Variants in TENM2 observed in about 807,000 individuals in gnomAD.
The protein encoded by TENM2 is teneurin-2.
A neutral mutation model predicts 245.2 loss-of-function variants in TENM2; 52 were observed. The observed-to-expected ratio is 0.21, with a 90% CI of 0.17 to 0.27. The LOEUF is 0.27. Ranked by LOEUF, TENM2 falls within the 10% of genes least tolerant of loss-of-function variation. The pLI is 1.00. For missense variants in TENM2, 3,046 were observed against 3,666.8 expected (o/e 0.83, Z 4.37); for synonymous variants, 1,363 against 1,438.9 (o/e 0.95, Z 1.19).
intron 2 of TENM2, among the ~76,000 whole-genome samples, chr5:167,625,630 G>C (rs1303484157): frequency 6.6e-6 from 1 of 152,128 alleles, no homozygotes; most frequent in African/African-American, 2.4e-5. Flanking sequence ...GTTATCTATT[G>C]TTCTGTAACA....
rs369679478 is a variant in TENM2, at chr5:167,652,808, T to C, written c.503-223178T>C. Among the ~76,000 whole-genome samples, 9 of 152,292 alleles carry C rather than the reference T, an allele frequency of 5.9e-5. No homozygotes were observed. The East Asian group carries it at 9.6e-4, about 16-fold the overall frequency. On this transcript the variant is annotated intron_variant, in intron 2 of 28. Coordinates refer to ENST00000518659, the Ensembl canonical transcript of TENM2. ...ACCTGAAATAGTGAAATAATATTCC[T>C]CTGAGTCATCTAACTTCTCCCTCTT...
chr5:168,245,107 A>G (rs1348899916), intron 26 of TENM2, among the ~76,000 whole-genome samples: 2 of 151,460 alleles, frequency 1.3e-5, no homozygotes, highest in African/African-American at 4.8e-5. Context: ...ATGTTTTGCC[A>G]TGAGACATCT....
the TENM2 span, among the ~76,000 whole-genome samples, chr5:167,078,489 AC>A: frequency 3.9e-5 from 1 of 25,572 alleles, no homozygotes. Context: ...GTCTCAAACA[AC>A]AACAACAACA....
rs1554157697 is a variant in TENM2 at position 167,452,931 on chromosome 5, TTA to T, written c.502+77488_502+77489del. 8.2e-3 allele frequency among the ~76,000 whole-genome samples: 40 copies of T among 4,886 alleles called. 3 individuals are homozygous for T. Among genetic ancestry groups the T allele is most frequent in the African/African-American group, 0.014 (40 of 2,780 alleles). The allele number at this position is 4,886 out of a possible 152,430, so 3.2% of individuals were successfully genotyped here. A position where few individuals can be genotyped will look rare whatever the true frequency, so the allele number is the denominator to read the frequency against. ...TGTACCCTAGAACTTAAAGTATGAT[TTA>T]TATATATATATATATATATATATAT... On this transcript the variant is annotated intron_variant, in intron 2 of 28. Coordinates refer to ENST00000518659, the Ensembl canonical transcript of TENM2.
intron 3 of TENM2, among the ~76,000 whole-genome samples, chr5:167,894,992 G>GGAA (rs1561906941): frequency 2.3e-4 from 13 of 56,870 alleles, no homozygotes; most frequent in South Asian, 1.5e-3. Context: ...GAAGGAAGGA[G>GGAA]GGAAGGAAGG....
chr5:167,652,952 C>T (rs1302648083), intron 2 of TENM2, among the ~76,000 whole-genome samples: 1 of 152,188 alleles, frequency 6.6e-6, no homozygotes, highest in Non-Finnish European at 1.5e-5. Flanking sequence ...TTTGGCTTGA[C>T]TTTCAGAGTC....
At chr5:167,894,090 G>A (rs1368142221) in intron 3 of TENM2, among the ~76,000 whole-genome samples, 2 of 152,138 alleles carry the variant, frequency 1.3e-5, no homozygotes, top group Admixed American at 6.5e-5. Context: ...TTTAATAGAC[G>A]ATCAATTCCT....
intron 5 of TENM2, among the ~76,000 whole-genome samples, chr5:168,031,365 T>A (rs1385823232): frequency 6.6e-6 from 1 of 152,218 alleles, no homozygotes; most frequent in Non-Finnish European, 1.5e-5. Context: ...AATTTAGGAA[T>A]GGGCTATTTG....
At chr5:167,722,112 T>C (rs1372136198) in intron 2 of TENM2, among the ~76,000 whole-genome samples, 1 of 152,116 alleles carries the variant, frequency 6.6e-6, no homozygotes, top group Non-Finnish European at 1.5e-5. Flanking sequence ...TAAATCCCCA[T>C]GTGTCACCCA....
intron 2 of TENM2, among the ~76,000 whole-genome samples, chr5:167,573,615 A>C (rs1275203321): frequency 1.3e-5 from 2 of 151,490 alleles, no homozygotes. Context: ...TTTGATGCAC[A>C]TACGTTGTCA....
intron 2 of TENM2, among the ~76,000 whole-genome samples, chr5:167,602,744 T>A (rs1776727432): frequency 6.6e-6 from 1 of 152,198 alleles, no homozygotes; most frequent in South Asian, 2.1e-4. Flanking sequence ...ACAAGGAAAC[T>A]TCAATAAGTG....
At chr5:168,188,998 G>T (rs189075836) in intron 13 of TENM2, among the ~76,000 whole-genome samples, 136 of 152,286 alleles carry the variant, frequency 8.9e-4, no homozygotes, top group African/African-American at 2.9e-3. Flanking sequence ...GGAAGTCCAA[G>T]ATCAAGGCAC....
At chr5:167,793,526 A>G (rs534511148) in intron 2 of TENM2, among the ~76,000 whole-genome samples, 11 of 152,202 alleles carry the variant, frequency 7.2e-5, no homozygotes, top group African/African-American at 2.2e-4. Context: ...CTCTCGAACC[A>G]TAGTTTATCC....
chr5:167,789,268 G>T (rs1764785713), intron 2 of TENM2, among the ~76,000 whole-genome samples: 1 of 152,174 alleles, frequency 6.6e-6, no homozygotes, highest in African/African-American at 2.4e-5. Flanking sequence ...TAAAAGTAGG[G>T]TAATGTAACC....
intron 9 of TENM2, among the ~76,000 whole-genome samples, chr5:168,103,899 G>T (rs1048853007): frequency 2.6e-5 from 4 of 152,208 alleles, no homozygotes; most frequent in Non-Finnish European, 5.9e-5. Flanking sequence ...TGAGGTAATT[G>T]GCTAGCAAGT....
intron 5 of TENM2, among the ~76,000 whole-genome samples, chr5:168,040,126 C>G (rs1388835892): frequency 6.6e-6 from 1 of 152,154 alleles, no homozygotes; most frequent in Non-Finnish European, 1.5e-5. Flanking sequence ...GCAACTATCA[C>G]CTTGTTCTCA....
chr5:167,306,316 A>T (rs1231187905), intron 1 of TENM2: 1 of 152,182 alleles, frequency 6.6e-6, no homozygotes, highest in Non-Finnish European at 1.5e-5. Context: ...GTTGTACTTT[A>T]TCTCAAACCA....
chr5:167,574,377 A>G (rs1468282448), intron 2 of TENM2, among the ~76,000 whole-genome samples: 2 of 152,202 alleles, frequency 1.3e-5, no homozygotes, highest in African/African-American at 2.4e-5. Context: ...GAACTCCGGG[A>G]CTTAAACCCT....
chr5:167,256,278 C>T, the TENM2 span, among the ~76,000 whole-genome samples: 1 of 152,094 alleles, frequency 6.6e-6, no homozygotes, highest in African/African-American at 2.4e-5. Context: ...GGTTTAGCAA[C>T]CCTTGACAAT....
Sources: gnomAD v4.1 joint callset for allele counts (sites outside exome capture counted in the v4.1 genomes callset) on GRCh38, gnomAD v4.1.1 for gene constraint, MANE v1.5 for transcripts, NCBI Gene and HGNC (gene_info 2026-07-23, HGNC 2026-07-21) for gene names.